The following KANSL1L variants were observed in gnomAD, a reference collection of about 807,000 sequenced individuals.
KANSL1L encodes the protein KAT8 regulatory NSL complex subunit 1-like protein.
In KANSL1L, 25 loss-of-function variants were observed where a neutral mutation model predicts 108.6. The ratio of observed to expected loss-of-function variants is 0.23; its 90% confidence interval spans 0.17 to 0.32. KANSL1L has a LOEUF of 0.32. KANSL1L is among the 10% of genes least tolerant of loss of function. The pLI is 1.00. For missense variants in KANSL1L, 1,137 were observed against 1,125.7 expected, an observed-to-expected ratio of 1.01 and a Z score of -0.14; for synonymous variants, 405 against 395.1, an observed-to-expected ratio of 1.03 and a Z score of -0.30.
chr2:210,058,769 G>C (rs182589548), intron 6 of KANSL1L, among the ~76,000 whole-genome samples: 3 of 150,144 alleles, frequency 2.0e-5, no homozygotes, highest in Non-Finnish European at 4.4e-5. Context: ...CCCGGGAGGC[G>C]CAATTTGCAG....
At chr2:210,169,810 T>C (rs1296044851) in intron 1 of KANSL1L, among the ~76,000 whole-genome samples, 2 of 152,240 alleles carry the variant, frequency 1.3e-5, no homozygotes, top group Non-Finnish European at 2.9e-5. Flanking sequence ...ATATTCTATT[T>C]CATGATTAAT....
intron 3 of KANSL1L, among the ~76,000 whole-genome samples, chr2:210,106,199 C>A (rs537674558): frequency 1.4e-4 from 22 of 152,200 alleles, no homozygotes; most frequent in African/African-American, 5.3e-4. Context: ...TCCACAAGTA[C>A]CTGCATGTCA....
chr2:210,085,266 T>C (rs2094626580), intron 5 of KANSL1L, among the ~76,000 whole-genome samples: 1 of 152,180 alleles, frequency 6.6e-6, no homozygotes, highest in Non-Finnish European at 1.5e-5. Context: ...AACAAAAGAA[T>C]TAGCAAAATT....
chr2:210,069,974 AC>A (rs2125308893), intron 6 of KANSL1L, among the ~76,000 whole-genome samples: 1 of 149,454 alleles, frequency 6.7e-6, no homozygotes, highest in East Asian at 2.0e-4. Flanking sequence ...GATTACAGGC[AC>A]CTGCCACCAC....
At chr2:210,149,204 C>T (rs926378023) in intron 2 of KANSL1L, among the ~76,000 whole-genome samples, 1 of 152,052 alleles carries the variant, frequency 6.6e-6, no homozygotes, top group African/African-American at 2.4e-5. Context: ...TTGCTAGCCT[C>T]AATGTTTATG....
chr2:210,039,065 A>AACC (rs1229596765), intron 8 of KANSL1L, among the ~76,000 whole-genome samples: 1 of 151,904 alleles, frequency 6.6e-6, no homozygotes, highest in Non-Finnish European at 1.5e-5. Flanking sequence ...CTTCTATCAG[A>AACC]ACCACCATGT....
At chr2:210,030,077 CCTTA>C (rs1210431439) in intron 9 of KANSL1L, among the ~76,000 whole-genome samples, 159 bp from the exon 10 acceptor site, 2 of 151,914 alleles carry the variant, frequency 1.3e-5, no homozygotes, top group African/African-American at 4.8e-5. Context: ...AAAAGAGGAG[CCTTA>C]CTTGCAGTCA....
chr2:210,026,105 A>C (rs2093933392), intron 12 of KANSL1L, among the ~76,000 whole-genome samples: 1 of 152,210 alleles, frequency 6.6e-6, no homozygotes, highest in African/African-American at 2.4e-5. Context: ...ATACTACCTT[A>C]GTTAGGGTGT....
At chr2:210,159,700 A>T (rs1457081945) in intron 1 of KANSL1L, among the ~76,000 whole-genome samples, 1 of 152,246 alleles carries the variant, frequency 6.6e-6, no homozygotes, top group Non-Finnish European at 1.5e-5. Flanking sequence ...CAAAATATAG[A>T]AAGGATACTA....
chr2:210,123,136 GA>G (rs2095036191), intron 3 of KANSL1L, among the ~76,000 whole-genome samples: 1 of 152,076 alleles, frequency 6.6e-6, no homozygotes, highest in African/African-American at 2.4e-5. Flanking sequence ...GAGCTTCCTT[GA>G]AAAACTAAAA....
intron 3 of KANSL1L, among the ~76,000 whole-genome samples, chr2:210,107,445 A>G (rs1266993610): frequency 1.3e-5 from 2 of 151,358 alleles, no homozygotes; most frequent in South Asian, 2.1e-4. Flanking sequence ...AGGAATCTGT[A>G]ATATGTTGAC....
At chr2:210,084,732 G>A (rs767869642) in intron 5 of KANSL1L, among the ~76,000 whole-genome samples, 28 of 152,000 alleles carry the variant, frequency 1.8e-4, no homozygotes, top group Non-Finnish European at 3.8e-4. Context: ...TCCTGCCTCA[G>A]CCTCCCAAGT....
chr2:210,028,609 C>CT (rs1310513137), intron 11 of KANSL1L: 1 of 355,702 alleles, frequency 2.8e-6, no homozygotes, highest in Non-Finnish European at 5.0e-6. Flanking sequence ...ATAAAAAAGA[C>CT]TAAGAATGCT....
At chr2:210,061,799 C>A (rs1423378445) in intron 6 of KANSL1L, among the ~76,000 whole-genome samples, 1 of 152,028 alleles carries the variant, frequency 6.6e-6, no homozygotes, top group Non-Finnish European at 1.5e-5. Flanking sequence ...GAAGTTTTAA[C>A]AATTGTTTAT....
chr2:210,056,807 CTTAT>C (rs1403492603), intron 6 of KANSL1L, among the ~76,000 whole-genome samples: 3 of 152,098 alleles, frequency 2.0e-5, no homozygotes, highest in African/African-American at 7.2e-5. Context: ...AATGTATTTT[CTTAT>C]TTAATATCAA....
In KANSL1L at chr2:210,022,495, A is replaced by ATGTT. The variant is rs1559489481; in HGVS notation, c.*450_*453dup. On this transcript the variant is annotated 3_prime_UTR_variant, in exon 15 of 15. Coordinates refer to ENST00000281772, the MANE Select transcript of KANSL1L (RefSeq NM_152519.4). ...TACATAGGGGTGTGTGTGTGTGTGT[A>ATGTT]TGTTTATTTTATACACACATATTTG... The ATGTT allele has an allele frequency of 6.2e-6, 1 of 161,082 alleles. No homozygotes were observed. The allele number at this position is 161,082 out of a possible 1,614,324, so 10.0% of individuals were successfully genotyped here. A position where few individuals can be genotyped will look rare whatever the true frequency, so the allele number is the denominator to read the frequency against.
chr2:210,077,093 A>G (rs1284241649), intron 5 of KANSL1L, among the ~76,000 whole-genome samples: 5 of 152,182 alleles, frequency 3.3e-5, no homozygotes, highest in African/African-American at 9.7e-5. Flanking sequence ...TTTACATAGT[A>G]ATAAGAAACC....
At chr2:210,057,526 C>G (rs1354854901) in intron 6 of KANSL1L, among the ~76,000 whole-genome samples, 2 of 152,004 alleles carry the variant, frequency 1.3e-5, no homozygotes, top group African/African-American at 4.8e-5. Context: ...ATGGTGAAAC[C>G]CTGTCTCTAC....
intron 6 of KANSL1L, among the ~76,000 whole-genome samples, chr2:210,051,785 C>A (rs375055579): frequency 6.6e-6 from 1 of 152,034 alleles, no homozygotes; most frequent in Non-Finnish European, 1.5e-5. Context: ...TCATGAGAAT[C>A]TGTTTAGGAG....
Sources: gnomAD v4.1 joint callset for allele counts (sites outside exome capture counted in the v4.1 genomes callset) on GRCh38, gnomAD v4.1.1 for gene constraint, MANE v1.5 for transcripts, NCBI Gene and HGNC (gene_info 2026-07-23, HGNC 2026-07-21) for gene names.